VRTN: variants seen among roughly 807,000 people sequenced by gnomAD.
VRTN encodes vertnin.
Under a neutral mutation model 18.2 loss-of-function variants are expected in VRTN, and 5 were observed. The observed-to-expected ratio is 0.27, with a 90% confidence interval of 0.14 to 0.58. The LOEUF (loss-of-function observed/expected upper bound fraction) is 0.58, where lower values mean the gene tolerates loss of function less well. Among genes scored for constraint, VRTN ranks in the 20% least tolerant of loss-of-function variants. The probability of loss-of-function intolerance (pLI) is 0.91; values close to 1 mark genes in which losing one functional copy is unlikely to be tolerated. For synonymous variants in VRTN, 381 were observed against 393.7 expected, an observed-to-expected ratio of 0.97 and a Z score of 0.38; for missense variants, 741 against 939.4, an observed-to-expected ratio of 0.79 and a Z score of 2.76.
At chr14:74,347,915 T>C (rs1489316166), upstream of VRTN, among the ~76,000 whole-genome samples, 1 of 151,984 alleles carries the variant, frequency 6.6e-6, no homozygotes, top group Admixed American at 6.6e-5. Flanking sequence ...CAGAGAATGG[T>C]GGAGATGCAG....
At chr14:74,349,345 C>A (rs1171160794) in intron 1 of VRTN, among the ~76,000 whole-genome samples, 1 of 152,108 alleles carries the variant, frequency 6.6e-6, no homozygotes, top group African/African-American at 2.4e-5. Flanking sequence ...GCAGGCGCAG[C>A]CTGTGCAGTC....
intron 1 of VRTN, among the ~76,000 whole-genome samples, chr14:74,349,039 C>A (rs1173326917): frequency 6.6e-6 from 1 of 152,194 alleles, no homozygotes; most frequent in Non-Finnish European, 1.5e-5. Context: ...TGCCTCCTGG[C>A]ACCTTAAGGG....
chr14:74,342,816 C>T (rs2085617043), intron 2 of VRTN, among the ~76,000 whole-genome samples: 1 of 152,036 alleles, frequency 6.6e-6, no homozygotes, highest in Non-Finnish European at 1.5e-5. Flanking sequence ...GACAAGGTCT[C>T]ACTGTGTTGC....
rs548136284 is a variant in VRTN at position 74,356,572 on chromosome 14, A to C, written c.-1-211A>C. Reference sequence around the variant, plus strand: ...TAAGTGATCCAAGGTGACCAAGCTTATGTCAGAGCCAGGATTCAAAGCCAG... The same window carrying C: ...TAAGTGATCCAAGGTGACCAAGCTTCTGTCAGAGCCAGGATTCAAAGCCAG... On this transcript the variant is annotated intron_variant, in intron 1 of 1. Transcript: ENST00000256362. Among the ~76,000 whole-genome samples the C allele has an allele frequency of 2.0e-5, 3 of 152,326 alleles. No homozygotes were observed. The East Asian group carries it at 5.8e-4, about 29-fold the overall frequency.
intron 1 of VRTN, among the ~76,000 whole-genome samples, chr14:74,334,987 A>G (rs2085554160): frequency 6.6e-6 from 1 of 152,168 alleles, no homozygotes; most frequent in South Asian, 2.1e-4. Context: ...CATTCAAATA[A>G]CCATAACACA....
At chr14:74,349,843 G>A (rs946516502) in intron 1 of VRTN, among the ~76,000 whole-genome samples, 3 of 152,184 alleles carry the variant, frequency 2.0e-5, no homozygotes, top group African/African-American at 7.2e-5. Context: ...CTGGAGCTAA[G>A]ATCCTGGCTG....
At chr14:74,330,463 CAG>C (rs1175860787) in intron 1 of VRTN, among the ~76,000 whole-genome samples, 1 of 133,544 alleles carries the variant, frequency 7.5e-6, no homozygotes, top group African/African-American at 2.9e-5. Flanking sequence ...TTTTTTGAGA[CAG>C]AGTTTCGCTC....
At chr14:74,324,677 C>CG (rs1235471684) in intron 1 of VRTN, among the ~76,000 whole-genome samples, 17 of 151,870 alleles carry the variant, frequency 1.1e-4, no homozygotes, top group Non-Finnish European at 2.5e-4. Flanking sequence ...CACTTGAGCC[C>CG]GGTAGTTTGA....
intron 1 of VRTN, among the ~76,000 whole-genome samples, chr14:74,335,084 C>T (rs1401960072): frequency 2.0e-5 from 3 of 152,106 alleles, no homozygotes; most frequent in Non-Finnish European, 2.9e-5. Context: ...GAGTTTGAGA[C>T]CAGCCTGGTC....
chr14:74,348,231 C>G (rs553898094), upstream of VRTN, among the ~76,000 whole-genome samples: 14 of 152,346 alleles, frequency 9.2e-5, no homozygotes, highest in African/African-American at 2.2e-4. Flanking sequence ...TCCCCTCCCC[C>G]CAAACTCTTT....
At chr14:74,323,832 G>A (rs980977856) in intron 1 of VRTN, among the ~76,000 whole-genome samples, 4 of 152,138 alleles carry the variant, frequency 2.6e-5, no homozygotes, top group African/African-American at 9.7e-5. Flanking sequence ...AATATGGCAT[G>A]CAATATTTGG....
intron 1 of VRTN, among the ~76,000 whole-genome samples, chr14:74,350,567 C>T (rs2085676898): frequency 6.6e-6 from 1 of 152,136 alleles, no homozygotes. Flanking sequence ...TCCTAAAAAT[C>T]CATAAGTTTC....
chr14:74,313,296 C>T (rs963253079), intron 1 of VRTN, among the ~76,000 whole-genome samples: 28 of 152,058 alleles, frequency 1.8e-4, no homozygotes, highest in Non-Finnish European at 4.4e-5. Context: ...CTCCTCTGAC[C>T]TAGGTTTCCC....
chr14:74,357,455 C>T lies in VRTN; in HGVS notation c.672C>T (p.Gly224=). Reference sequence around the variant, plus strand: ...CCACGCTGCACATCATGTGGGCTGGCCAGCCCCTCACCAGCCACTTCTTCC... The same window carrying T: ...CCACGCTGCACATCATGTGGGCTGGTCAGCCCCTCACCAGCCACTTCTTCC... The part of the protein sequence containing the change: ...VPSTLHIMWA[G]QPLTSHFFRH... The change falls in exon 2 of 2, where the codon GGC becomes GGT. Residue 224 remains glycine (G), a synonymous_variant. Coordinates refer to ENST00000256362, the MANE Select transcript of VRTN (RefSeq NM_018228.3). This position sits in a 1 kb window ranked among gnomAD's most constrained non-coding sequence, Gnocchi z 7.8. The T allele has an allele frequency of 6.2e-7, 1 of 1,611,814 alleles. No homozygotes were observed. Among genetic ancestry groups the T allele is most frequent in the Non-Finnish European group, 8.5e-7 (1 of 1,180,024 alleles).
In VRTN at chr14:74,329,003, G is replaced by C. The variant is rs141392392; in HGVS notation, c.-163-8720G>C. On this transcript the variant is annotated intron_variant, in intron 1 of 2. Coordinates refer to the VRTN transcript ENST00000557177. Reference sequence around the variant, plus strand: ...ACAAAAATTGGGGCTGGGCACGGTGGCTCATGCCTGTAATCCCAGCACTTT... The same window carrying C: ...ACAAAAATTGGGGCTGGGCACGGTGCCTCATGCCTGTAATCCCAGCACTTT... 9.5e-3 allele frequency among the ~76,000 whole-genome samples: 1,449 copies of C among 152,280 alleles called. 14 individuals are homozygous for C. Among genetic ancestry groups the C allele is most frequent in the Middle Eastern group, 0.024 (7 of 294 alleles).
rs776128182 is a variant in VRTN at position 74,358,896 on chromosome 14, G to C, written c.*4G>C. 1 of 1,604,240 alleles carries C rather than the reference G, an allele frequency of 6.2e-7. No individual in the cohort carries two copies. The highest frequency in any genetic ancestry group is 1.1e-5 in the South Asian group (1 of 89,922). ...CCTGACCCTGGTAGATGGCTGACAG[G>C]GAGGTACAAAAGGGGCTGGGAAGAA... On this transcript the variant is annotated 3_prime_UTR_variant, in exon 2 of 2. Coordinates refer to ENST00000256362, the MANE Select transcript of VRTN (RefSeq NM_018228.3). This position sits in a 1 kb window ranked among gnomAD's most constrained non-coding sequence, Gnocchi z 5.4.
At chr14:74,340,355 A>G (rs953081109) in intron 2 of VRTN, among the ~76,000 whole-genome samples, 4 of 151,430 alleles carry the variant, frequency 2.6e-5, no homozygotes, top group African/African-American at 7.3e-5. Context: ...CAGGTGATCC[A>G]CCCACCTCGG....
At chr14:74,351,495 GTTTTTTTTTTT>G (rs59810913) in intron 1 of VRTN, among the ~76,000 whole-genome samples, 2 of 89,692 alleles carry the variant, frequency 2.2e-5, no homozygotes, top group East Asian at 3.3e-4. Context: ...TGATTACCAG[GTTTTTTTTTTT>G]TTTTTTTTTT....
At chr14:74,347,939 T>A (rs2085654255), upstream of VRTN, among the ~76,000 whole-genome samples, 1 of 152,028 alleles carries the variant, frequency 6.6e-6, no homozygotes, top group African/African-American at 2.4e-5. Context: ...TTAGAGAAAG[T>A]GGGGCCTTCC....
Sources: allele counts gnomAD v4.1 joint callset (sites outside exome capture counted in the v4.1 genomes callset), GRCh38; gene constraint gnomAD v4.1.1; non-coding constraint Gnocchi (gnomAD v3.1); transcripts MANE v1.5; gene names NCBI Gene and HGNC (gene_info 2026-07-23, HGNC 2026-07-21).